The following RBFOX1 variants were observed in gnomAD, a reference collection of about 807,000 sequenced individuals.
The protein encoded by RBFOX1 is RNA binding protein fox-1 homolog 1.
RBFOX1 carries 8 observed loss-of-function variants against 57.7 expected under a neutral mutation model. The ratio of observed to expected loss-of-function variants is 0.14; its 90% confidence interval spans 0.08 to 0.25. The LOEUF (loss-of-function observed/expected upper bound fraction) is 0.25, where lower values mean the gene tolerates loss of function less well. RBFOX1 is among the 10% of genes least tolerant of loss of function. RBFOX1 has a pLI of 1.00. For missense variants in RBFOX1, 611 were observed against 548.5 expected (o/e 1.11, Z -1.14); for synonymous variants, 326 against 222.4 (o/e 1.47, Z -4.15).
intron 2 of RBFOX1, among the ~76,000 whole-genome samples, chr16:6,600,030 G>A (rs1045782605): frequency 3.9e-5 from 6 of 152,202 alleles, no homozygotes; most frequent in Non-Finnish European, 5.9e-5. Context: ...ACTGCAAAGG[G>A]CATCTGGGTG....
chr16:5,724,828 G>C (rs984275302), intron 3 of RBFOX1, among the ~76,000 whole-genome samples: 4 of 152,136 alleles, frequency 2.6e-5, no homozygotes, highest in African/African-American at 9.7e-5. Context: ...AACATAGATG[G>C]TATCCCCGCC....
intron 3 of RBFOX1, among the ~76,000 whole-genome samples, chr16:6,905,119 C>G (rs1304100940): frequency 2.0e-5 from 3 of 152,140 alleles, no homozygotes; most frequent in African/African-American, 7.2e-5. Flanking sequence ...TCCAAAAAGA[C>G]TGTTTTGCAG....
At chr16:7,571,880 G>A (rs1336471001) in intron 5 of RBFOX1, among the ~76,000 whole-genome samples, 3 of 152,190 alleles carry the variant, frequency 2.0e-5, no homozygotes, top group Non-Finnish European at 4.4e-5. Flanking sequence ...TGTAATCCCA[G>A]CACTTTGGGA....
chr16:5,912,853 C>T lies in RBFOX1; in HGVS notation c.351+45518C>T, dbSNP rs138271448. Among the ~76,000 whole-genome samples the T allele has an allele frequency of 9.5e-4, 144 of 152,224 alleles. 1 individual carries two copies. Among genetic ancestry groups the T allele is most frequent in the African/African-American group, 3.4e-3 (141 of 41,532 alleles). Reference sequence around the variant, plus strand: ...GAAGTTCTAATGAGGAAAAGTATAACGAAGGGATGGGTCCATGGGGAGAGT... The same window carrying T: ...GAAGTTCTAATGAGGAAAAGTATAATGAAGGGATGGGTCCATGGGGAGAGT... On this transcript the variant is annotated intron_variant, in intron 4 of 19. Transcript: ENST00000641259.
chr16:7,008,403 A>T (rs993847093), intron 3 of RBFOX1, among the ~76,000 whole-genome samples: 17 of 151,910 alleles, frequency 1.1e-4, no homozygotes, highest in African/African-American at 4.1e-4. Flanking sequence ...TTAGCCAGGC[A>T]TGGTGGCGCA....
At chr16:7,501,615 T>G (rs756075119) in intron 4 of RBFOX1, among the ~76,000 whole-genome samples, 2 of 152,216 alleles carry the variant, frequency 1.3e-5, no homozygotes, top group Non-Finnish European at 2.9e-5. Context: ...CTACTTTGTT[T>G]TCTTTGATTC....
intron 1 of RBFOX1, among the ~76,000 whole-genome samples, chr16:6,032,528 G>A (rs942350479): frequency 6.6e-6 from 1 of 152,170 alleles, no homozygotes; most frequent in Non-Finnish European, 1.5e-5. Context: ...GGAGCCTACT[G>A]GGGAATCATC....
intron 3 of RBFOX1, among the ~76,000 whole-genome samples, chr16:6,979,580 C>G (rs1343434487): frequency 6.6e-6 from 1 of 152,162 alleles, no homozygotes; most frequent in Non-Finnish European, 1.5e-5. Flanking sequence ...AGCAGGATTG[C>G]AGCACAGTAC....
At chr16:7,188,685 T>C (rs1187185529) in intron 4 of RBFOX1, among the ~76,000 whole-genome samples, 1 of 152,166 alleles carries the variant, frequency 6.6e-6, no homozygotes, top group African/African-American at 2.4e-5. Context: ...CTGCAGCAGG[T>C]TTCATTTATT....
At chr16:6,704,960 C>G (rs144241881) in intron 3 of RBFOX1, 1 of 152,004 alleles carries the variant, frequency 6.6e-6, no homozygotes, top group African/African-American at 2.4e-5. Flanking sequence ...GTGCCAGATT[C>G]TTTATTTGGG....
At chr16:7,520,183 C>G (rs2077235758) in intron 5 of RBFOX1, among the ~76,000 whole-genome samples, 1 of 152,108 alleles carries the variant, frequency 6.6e-6, no homozygotes, top group East Asian at 1.9e-4. Flanking sequence ...CCGCGCCCGG[C>G]CTAGTTTTGA....
intron 4 of RBFOX1, among the ~76,000 whole-genome samples, chr16:7,493,047 C>A (rs191930280): frequency 6.6e-6 from 1 of 152,050 alleles, no homozygotes. Context: ...CCCGGCTAAT[C>A]TTTGTAGTTT....
intron 3 of RBFOX1, among the ~76,000 whole-genome samples, chr16:6,711,591 G>A (rs1280522014): frequency 1.3e-5 from 2 of 152,194 alleles, no homozygotes; most frequent in African/African-American, 4.8e-5. Context: ...CACCATGTAA[G>A]ACATGCCTTA....
chr16:7,566,787 C>T (rs1425932493), intron 5 of RBFOX1, among the ~76,000 whole-genome samples: 1 of 152,068 alleles, frequency 6.6e-6, no homozygotes, highest in Non-Finnish European at 1.5e-5. Flanking sequence ...AAAAGCCTTC[C>T]TCAGTGATCC....
chr16:5,358,492 A>G (rs1449827665), intron 1 of RBFOX1, among the ~76,000 whole-genome samples: 1 of 152,198 alleles, frequency 6.6e-6, no homozygotes, highest in Admixed American at 6.5e-5. Flanking sequence ...ACAGGCATGC[A>G]ATGTGTAATA....
chr16:6,087,148 A>C (rs1162599396), intron 1 of RBFOX1, among the ~76,000 whole-genome samples: 2 of 152,214 alleles, frequency 1.3e-5, no homozygotes, highest in African/African-American at 4.8e-5. Flanking sequence ...AGTTAGATTT[A>C]TGAGGATAGA....
chr16:5,437,308 C>G (rs1161259436), intron 1 of RBFOX1, among the ~76,000 whole-genome samples: 1 of 152,124 alleles, frequency 6.6e-6, no homozygotes, highest in Admixed American at 6.5e-5. Context: ...AGCAAACCAG[C>G]TTTTGTTTTT....
At chr16:7,454,230 C>A (rs1435265849) in intron 4 of RBFOX1, among the ~76,000 whole-genome samples, 4 of 152,092 alleles carry the variant, frequency 2.6e-5, no homozygotes, top group Non-Finnish European at 4.4e-5. Flanking sequence ...GAGACTCCGT[C>A]CCCCACCAAC....
chr16:5,655,997 T>C (rs1156529226), intron 3 of RBFOX1, among the ~76,000 whole-genome samples: 1 of 152,248 alleles, frequency 6.6e-6, no homozygotes, highest in Non-Finnish European at 1.5e-5. Context: ...TCAGCCACTT[T>C]CACAGTGTTG....
Sources: allele counts gnomAD v4.1 joint callset (sites outside exome capture counted in the v4.1 genomes callset), GRCh38; gene constraint gnomAD v4.1.1; transcripts MANE v1.5; gene names NCBI Gene and HGNC (gene_info 2026-07-23, HGNC 2026-07-21).